Variants in ABCB4 observed in about 807,000 individuals in gnomAD.
The protein encoded by ABCB4 is phosphatidylcholine translocator ABCB4.
ABCB4 carries 76 observed loss-of-function variants against 145.7 expected under a neutral mutation model. The observed-to-expected ratio is 0.52, with a 90% CI of 0.43 to 0.63. The LOEUF is 0.63. Among genes scored for constraint, ABCB4 ranks in the 30% least tolerant of loss-of-function variants. The pLI, the probability that ABCB4 is intolerant of heterozygous loss-of-function variation, is 0.00. For synonymous variants in ABCB4, 517 were observed against 566.8 expected, an observed-to-expected ratio of 0.91 and a Z score of 1.25; for missense variants, 1,234 against 1,553.1, an observed-to-expected ratio of 0.79 and a Z score of 3.45.
chr7:87,440,527 A>T, intron 12 of ABCB4, 125 bp from the exon 13 acceptor site: 2 of 750,362 alleles, frequency 2.7e-6, no homozygotes, highest in Middle Eastern at 3.0e-4. Flanking sequence ...AATAATTAGA[A>T]ATAAACAGCA....
In ABCB4 at chr7:87,402,176, C is replaced by T. The variant is rs781315185; in HGVS notation, c.3760G>A (p.Gly1254Ser). 27 of 1,613,984 alleles carry T rather than the reference C, an allele frequency of 1.7e-5. 1 individual carries two copies. In the South Asian group the frequency reaches 2.7e-4, roughly 16 times the overall value. ...TGTGCCAGCAGCTGCTGATGCGTGCCATGCTCCTTGACTCTCCCATTCTGA... is the reference window on the plus strand; with the variant it reads ...TGTGCCAGCAGCTGCTGATGCGTGCTATGCTCCTTGACTCTCCCATTCTGA... ...VFQNGRVKEHGTHQQLLAQKG... is the reference protein window; with the variant it reads ...VFQNGRVKEHSTHQQLLAQKG... Residue 1254 changes from glycine (G) to serine (S), a missense_variant, in exon 28 of 28, where the codon GGC becomes AGC. Physicochemically the swap from Gly to Ser is moderately conservative, Grantham distance 56. Transcript: ENST00000649586.
At chr7:87,468,243 T>G (rs148693395) in intron 3 of ABCB4, among the ~76,000 whole-genome samples, 2,303 of 152,250 alleles carry the variant, frequency 0.015, 60 homozygotes, top group African/African-American at 0.052. Context: ...AAATACAAAC[T>G]ACCATCAGAG....
In ABCB4 at chr7:87,443,418, C is replaced by T. The variant is rs1811117444; in HGVS notation, c.1257G>A (p.Val419=). The change falls in exon 12 of 28, where the codon GTG becomes GTA. Residue 419 remains valine, a synonymous_variant. Transcript: ENST00000649586. ...CCAGGGCCACCGTCTGCCCACTCTG[C>T]ACCTTCAGGTTGAGGCCCTTCAAGA... ...VKILKGLNLK[V]QSGQTVALVG... is the part of the protein sequence containing the mutation. The T allele has an allele frequency of 6.2e-7, 1 of 1,613,904 alleles. No homozygotes were observed. Among genetic ancestry groups the T allele is most frequent in the African/African-American group, 1.3e-5 (1 of 74,880 alleles).
chr7:87,367,062 C>T, the ABCB4 span, among the ~76,000 whole-genome samples: 1 of 152,152 alleles, frequency 6.6e-6, no homozygotes, highest in Non-Finnish European at 1.5e-5. Flanking sequence ...GAATAATGGT[C>T]CCCCATAGAT....
intron 8 of ABCB4, among the ~76,000 whole-genome samples, chr7:87,447,707 T>C (rs1811441681): frequency 6.6e-6 from 1 of 152,228 alleles, no homozygotes; most frequent in Admixed American, 6.5e-5. Flanking sequence ...TTGTTGTACA[T>C]AAACATAGGC....
intron 26 of ABCB4, chr7:87,405,914 G>A (rs911373351): frequency 3.2e-6 from 1 of 311,848 alleles, no homozygotes; most frequent in Non-Finnish European, 6.1e-6. Context: ...CAGAAACTAG[G>A]TAAAGGGTAC....
rs1272458083 is a variant in ABCB4 at position 87,411,930 on chromosome 7, T to C, written c.2887A>G (p.Ile963Val). The C allele has an allele frequency of 1.4e-5, 23 of 1,613,478 alleles. No individual in the cohort carries two copies. The Admixed American group carries it at 3.8e-4, about 27-fold the overall frequency. ...CTGAAGCGCATATGTCCATTCACAATGAGATATGCACCAAATCGAAAACAA... is the reference window on the plus strand; with the variant it reads ...CTGAAGCGCATATGTCCATTCACAACGAGATATGCACCAAATCGAAAACAA... Reference protein sequence around the residue: ...AGCFRFGAYLIVNGHMRFRDV... With the variant: ...AGCFRFGAYLVVNGHMRFRDV... Residue 963 changes from isoleucine (I) to valine (V), a missense_variant, in exon 23 of 28, where the codon ATT (isoleucine) becomes GTT (valine). Coordinates refer to ENST00000649586, the MANE Select transcript of ABCB4 (RefSeq NM_000443.4).
chr7:87,403,279 T>G lies in ABCB4; in HGVS notation c.3489A>C (p.Lys1163Asn). The G allele has an allele frequency of 6.2e-7, 1 of 1,613,582 alleles. No homozygotes were observed. Among genetic ancestry groups the G allele is most frequent in the Non-Finnish European group, 8.5e-7 (1 of 1,179,520 alleles). Residue 1163 changes from lysine (K) to asparagine (N), a missense_variant and splice_region_variant, in exon 27 of 28, where the codon AAA becomes AAC. Physicochemically the swap from Lys to Asn is moderately conservative, Grantham distance 94 (BLOSUM62 0). Transcript: ENST00000649586. ...IHPFIETLPHKYETRVGDKGT... is the reference protein window; with the variant it reads ...IHPFIETLPHNYETRVGDKGT... ...CCTTATCTCCCACTCTTGTTTCATATTTCTGCAAGTTAACCAAATTATAAA... is the reference window on the plus strand; with the variant it reads ...CCTTATCTCCCACTCTTGTTTCATAGTTCTGCAAGTTAACCAAATTATAAA...
At chr7:87,472,917 A>G (rs1282299141) in intron 2 of ABCB4, among the ~76,000 whole-genome samples, 2 of 152,216 alleles carry the variant, frequency 1.3e-5, no homozygotes, top group African/African-American at 4.8e-5. Flanking sequence ...GCTCACATAC[A>G]CAGGAAAGAT....
At chr7:87,382,099 C>T in the ABCB4 span, 2 of 1,612,922 alleles carry the variant, frequency 1.2e-6, no homozygotes, top group African/African-American at 2.7e-5. Flanking sequence ...CGAGATATAC[C>T]ACTTCCAGAA....
the ABCB4 span, chr7:87,375,523 GTAA>G: frequency 8.0e-4 from 554 of 694,956 alleles, 6 homozygotes; most frequent in African/African-American, 8.5e-3. Context: ...GTTTCTTTGG[GTAA>G]TATATCCAAA....
At chr7:87,424,528 T>C (rs1197897092) in intron 16 of ABCB4, among the ~76,000 whole-genome samples, 2 of 152,208 alleles carry the variant, frequency 1.3e-5, no homozygotes, top group African/African-American at 2.4e-5. Flanking sequence ...TCTTTGCAAA[T>C]GTAGGAAACC....
the ABCB4 span, among the ~76,000 whole-genome samples, chr7:87,382,752 C>T: frequency 2.6e-5 from 4 of 152,120 alleles, no homozygotes; most frequent in African/African-American, 9.7e-5. Context: ...ACAGTATCCA[C>T]TTGATAACTT....
Position 87,413,726 on chromosome 7 carries a change from C to G in ABCB4, c.2683-9G>C. 6.5e-7 allele frequency: 1 copy of G among 1,530,784 alleles called. No homozygotes were observed. The highest frequency in any genetic ancestry group is 9.1e-7 in the Non-Finnish European group (1 of 1,104,484). 94.8% of individuals were successfully genotyped at this position (1,530,784 alleles called of 1,614,324 possible). On this transcript the variant is annotated splice_polypyrimidine_tract_variant and intron_variant, in intron 21 of 27. Coordinates refer to ENST00000649586, the MANE Select transcript of ABCB4 (RefSeq NM_000443.4). ...ATTGCCTCTGTTGCAATCTGTAACA[C>G]AGAATAGACCTTCATTAGAAGTGGT... is the stretch of plus-strand genomic sequence containing the variant.
At chr7:87,468,268 C>T (rs1433594376) in intron 3 of ABCB4, among the ~76,000 whole-genome samples, 2 of 152,024 alleles carry the variant, frequency 1.3e-5, no homozygotes, top group African/African-American at 4.8e-5. Flanking sequence ...CTGTAAACAC[C>T]CCTACATAAA....
intron 4 of ABCB4, among the ~76,000 whole-genome samples, chr7:87,460,968 C>CT (rs202078389): frequency 0.015 from 2,310 of 151,184 alleles, 61 homozygotes; most frequent in African/African-American, 0.053. Flanking sequence ...TCTTTAAAGA[C>CT]TTTTTTTTTC....
chr7:87,441,862 G>C (rs924768198), intron 12 of ABCB4, among the ~76,000 whole-genome samples: 2 of 152,182 alleles, frequency 1.3e-5, no homozygotes, highest in Non-Finnish European at 2.9e-5. Context: ...ATCTCCCAAA[G>C]TGCTGAGATC....
chr7:87,393,280 T>C, the ABCB4 span, among the ~76,000 whole-genome samples: 108,053 of 152,010 alleles, frequency 0.71, 40,170 homozygotes, highest in Middle Eastern at 0.83. Flanking sequence ...TAGGTGTCTT[T>C]ATGCAGAACA....
chr7:87,414,164 A>T (rs564011475), intron 21 of ABCB4, among the ~76,000 whole-genome samples: 1 of 152,338 alleles, frequency 6.6e-6, no homozygotes, highest in South Asian at 2.1e-4. Flanking sequence ...TTCTTATAAA[A>T]GCTGTCCACC....
Sources: allele counts gnomAD v4.1 joint callset (sites outside exome capture counted in the v4.1 genomes callset), GRCh38; gene constraint gnomAD v4.1.1; transcripts MANE v1.5; gene names NCBI Gene and HGNC (gene_info 2026-07-23, HGNC 2026-07-21).